GPX5: variants seen among roughly 807,000 people sequenced by gnomAD.
The protein encoded by GPX5 is glutathione peroxidase 5, also known as epididymal secretory glutathione peroxidase.
In GPX5, 20 loss-of-function variants were observed where a neutral mutation model predicts 23.8. The ratio of observed to expected loss-of-function variants is 0.84; its 90% confidence interval spans 0.59 to 1.22. GPX5 has a LOEUF of 1.22. Among genes scored for constraint, GPX5 ranks in the 50% most tolerant of loss-of-function variants. The pLI is 0.00. For missense variants in GPX5, 230 were observed against 266.6 expected, an observed-to-expected ratio of 0.86 and a Z score of 0.96; for synonymous variants, 92 against 99.5, an observed-to-expected ratio of 0.92 and a Z score of 0.45.
At position 28,534,169 on chromosome 6, in the gene GPX5, A is replaced by C. The variant is rs1424740648; in HGVS notation, c.*2A>C. On this transcript the variant is annotated 3_prime_UTR_variant, in exon 5 of 5. Transcript: ENST00000412168. ...TTGAAGCAATTCAAAACCAAATAGG[A>C]AGGTGGAGTTAAGGGCAGGAGCAAC... is the stretch of plus-strand genomic sequence containing the variant. 1 of 1,571,588 alleles carries C rather than the reference A, an allele frequency of 6.4e-7. No individual in the cohort carries two copies. Among genetic ancestry groups the C allele is most frequent in the South Asian group, 1.2e-5 (1 of 82,950 alleles).
intron 1 of GPX5, among the ~76,000 whole-genome samples, chr6:28,529,199 T>C (rs1387662964): frequency 6.6e-6 from 1 of 152,078 alleles, no homozygotes; most frequent in Non-Finnish European, 1.5e-5. Flanking sequence ...AGTTCAATTG[T>C]TTTGATTTTT....
Position 28,526,008 on chromosome 6 carries a change from C to G in GPX5, c.-6C>G. ...CCCCCAGACTAGCAATCTACAAACACTAGTCATGACTACACAGTTAAGGGT... is the reference window on the plus strand; with the variant it reads ...CCCCCAGACTAGCAATCTACAAACAGTAGTCATGACTACACAGTTAAGGGT... On this transcript the variant is annotated 5_prime_UTR_variant, in exon 1 of 5. Transcript: ENST00000412168. The G allele has an allele frequency of 1.9e-6, 3 of 1,607,920 alleles. No homozygotes were observed. Among genetic ancestry groups the G allele is most frequent in the Non-Finnish European group, 2.6e-6 (3 of 1,175,656 alleles).
chr6:28,526,267 G>A (rs1367038186), intron 1 of GPX5, among the ~76,000 whole-genome samples, 167 bp downstream of exon 1: 1 of 152,064 alleles, frequency 6.6e-6, no homozygotes, highest in Non-Finnish European at 1.5e-5. Flanking sequence ...CTATGGATGG[G>A]TATTCCTTGC....
At position 28,534,455 on chromosome 6, in the gene GPX5, C is replaced by T. The variant is rs1763387238; in HGVS notation, c.*288C>T. The T allele has an allele frequency of 1.5e-5, 5 of 324,290 alleles. No homozygotes were observed. Among genetic ancestry groups the T allele is most frequent in the Non-Finnish European group, 2.2e-5 (4 of 178,308 alleles). 20.1% of individuals were successfully genotyped at this position (324,290 alleles called of 1,614,324 possible). A position where few individuals can be genotyped will look rare whatever the true frequency, so the allele number is the denominator to read the frequency against. ...TGTTACAGGTTGAATCATTCATATC[C>T]ACCAGAGGGAAATCATCCTTCCACG... On this transcript the variant is annotated 3_prime_UTR_variant, in exon 5 of 5. Coordinates refer to ENST00000412168, the MANE Select transcript of GPX5 (RefSeq NM_001509.3).
intron 4 of GPX5, 26 bp downstream of exon 4, chr6:28,532,446 C>T (rs376005683): frequency 2.9e-6 from 4 of 1,385,186 alleles, no homozygotes; most frequent in Non-Finnish European, 4.0e-6. Flanking sequence ...GCATAAGCCT[C>T]CTCCTCTTTT....
chr6:28,533,876 G>C (rs1763372587), intron 4 of GPX5, 85 bp from the exon 5 acceptor site: 1 of 784,182 alleles, frequency 1.3e-6, no homozygotes, highest in African/African-American at 1.8e-5. Context: ...GTATAGGAGG[G>C]GGTGGATTAC....
chr6:28,534,127 C>T lies in GPX5; in HGVS notation c.626C>T (p.Thr209Ile), dbSNP rs374429132. The T allele has an allele frequency of 5.6e-6, 9 of 1,606,768 alleles. No homozygotes were observed. The African/African-American group carries it at 1.1e-4, about 19-fold the overall frequency. The part of the protein sequence containing the change: ...SHRATVSSVK[T>I]DILAYLKQFK... ...CGGGCTACGGTCAGCTCAGTCAAGA[C>T]AGACATCCTGGCGTACTTGAAGCAA... The change falls in exon 5 of 5, where the codon ACA becomes ATA. Residue 209 changes from threonine to isoleucine, a missense_variant. Coordinates refer to ENST00000412168, the MANE Select transcript of GPX5 (RefSeq NM_001509.3).
chr6:28,530,413 T>C (rs1763290963), intron 2 of GPX5, among the ~76,000 whole-genome samples: 1 of 152,202 alleles, frequency 6.6e-6, no homozygotes, highest in Non-Finnish European at 1.5e-5. Context: ...TTGTTTTTAA[T>C]TATGTTTTGA....
chr6:28,531,879 A>T lies in GPX5; in HGVS notation c.343A>T (p.Ile115Phe), dbSNP rs559622112. 1.2e-6 allele frequency: 2 copies of T among 1,612,412 alleles called. No individual in the cohort carries two copies. The highest frequency in any genetic ancestry group is 1.3e-5 in the African/African-American group (1 of 74,980). The change falls in exon 3 of 5, where the codon ATT (isoleucine) becomes TTT (phenylalanine). Residue 115 changes from isoleucine (I) to phenylalanine (F), a missense_variant. Physicochemically the swap from Ile to Phe is conservative, Grantham distance 21. Coordinates refer to ENST00000412168, the MANE Select transcript of GPX5 (RefSeq NM_001509.3). ...GCAAGAACCAGGAGATAACAAAGAG[A>T]TTCTTCCTGGGCTCAAGTACGTGTC... ...GKQEPGDNKE[I>F]LPGLKYVRPG...
chr6:28,532,538 A>G, intron 4 of GPX5, 118 bp downstream of exon 4: 1 of 675,836 alleles, frequency 1.5e-6, no homozygotes, highest in Non-Finnish European at 2.6e-6. Flanking sequence ...CTTTGTGGAG[A>G]AAAATCTCCA....
chr6:28,526,774 G>T (rs1200151587), intron 1 of GPX5, among the ~76,000 whole-genome samples: 4 of 152,100 alleles, frequency 2.6e-5, no homozygotes, highest in Admixed American at 6.6e-5. Context: ...CATGAAGTTA[G>T]GTAAAGGCAA....
At chr6:28,531,703 G>A in intron 2 of GPX5, 75 bp from the exon 3 acceptor site, 5 of 933,330 alleles carry the variant, frequency 5.4e-6, no homozygotes, top group Non-Finnish European at 8.4e-6. Flanking sequence ...CTGTAAAATG[G>A]GTAACCCCAG....
In GPX5 at chr6:28,532,394, G is replaced by A. The variant is rs772188006; in HGVS notation, c.433G>A (p.Glu145Lys). ...FEKGDVNGEK[E>K]QKVFSFLKHS... ...GAAAGGGGATGTGAATGGTGAAAAA[G>A]AACAGAAAGTCTTCAGTTTCTTGAA... is the stretch of plus-strand genomic sequence containing the variant. The change falls in exon 4 of 5, where the codon GAA (glutamate) becomes AAA (lysine). Residue 145 changes from glutamate (E) to lysine (K), a missense_variant. Glu to Lys is a moderately conservative substitution (Grantham distance 56, BLOSUM62 1). Coordinates refer to ENST00000412168, the MANE Select transcript of GPX5 (RefSeq NM_001509.3). The A allele has an allele frequency of 4.4e-6, 7 of 1,592,874 alleles. No individual in the cohort carries two copies. The African/African-American group carries it at 9.5e-5, about 22-fold the overall frequency.
chr6:28,531,037 G>C (rs1763301309), intron 2 of GPX5, among the ~76,000 whole-genome samples: 1 of 152,140 alleles, frequency 6.6e-6, no homozygotes. Flanking sequence ...TAGTAAGAAT[G>C]CATCTTCAGC....
rs796795045 is a variant in GPX5, at chr6:28,528,835, A to G, written c.88-616A>G. On this transcript the variant is annotated intron_variant, in intron 1 of 4. Coordinates refer to ENST00000412168, the MANE Select transcript of GPX5 (RefSeq NM_001509.3). ...TGTGTATATATATATATATATATAT[A>G]TATATATATATATATATATATATAT... Among the ~76,000 whole-genome samples, 14 of 900 alleles carry G rather than the reference A, an allele frequency of 0.016. No individual in the cohort carries two copies. The South Asian group carries it at 0.26, about 17-fold the overall frequency. The allele number at this position is 900 out of a possible 152,430, so 0.6% of individuals were successfully genotyped here. A position where few individuals can be genotyped will look rare whatever the true frequency, so the allele number is the denominator to read the frequency against.
chr6:28,533,884 T>C, intron 4 of GPX5, 77 bp from the exon 5 acceptor site: 1 of 894,232 alleles, frequency 1.1e-6, no homozygotes, highest in East Asian at 2.7e-5. Context: ...GGGGGTGGAT[T>C]ACCTGTGGGT....
rs1340443440 is a variant in GPX5 at position 28,525,997 on chromosome 6, A to G, written c.-17A>G. The G allele has an allele frequency of 1.9e-6, 3 of 1,588,462 alleles. No homozygotes were observed. The highest frequency in any genetic ancestry group is 2.2e-5 in the East Asian group (1 of 44,740). ...AAGACCTCAGGCCCCCAGACTAGCAATCTACAAACACTAGTCATGACTACA... is the reference window on the plus strand; with the variant it reads ...AAGACCTCAGGCCCCCAGACTAGCAGTCTACAAACACTAGTCATGACTACA... On this transcript the variant is annotated 5_prime_UTR_variant, in exon 1 of 5. Transcript: ENST00000412168.
intron 2 of GPX5, among the ~76,000 whole-genome samples, chr6:28,530,651 A>C (rs1222152260): frequency 6.6e-6 from 1 of 152,176 alleles, no homozygotes; most frequent in South Asian, 2.1e-4. Context: ...TCATTTCCTC[A>C]TTCTTTCTTA....
intron 4 of GPX5, among the ~76,000 whole-genome samples, chr6:28,532,733 T>C (rs537246117): frequency 3.3e-4 from 50 of 152,316 alleles, no homozygotes; most frequent in Non-Finnish European, 6.2e-4. Flanking sequence ...CCGCTACTTA[T>C]AAAGCAATCT....
Sources: gnomAD v4.1 joint callset for allele counts (sites outside exome capture counted in the v4.1 genomes callset) on GRCh38, gnomAD v4.1.1 for gene constraint, MANE v1.5 for transcripts, NCBI Gene and HGNC (gene_info 2026-07-23, HGNC 2026-07-21) for gene names.